IQGAP3: variants seen among roughly 807,000 people sequenced by gnomAD.
IQGAP3 encodes the protein IQ motif containing GTPase activating protein 3, also known as ras GTPase-activating-like protein IQGAP3.
In IQGAP3, 165 loss-of-function variants were observed where a neutral mutation model predicts 208.2. The observed-to-expected ratio is 0.79, with a 90% CI of 0.70 to 0.90. The LOEUF is 0.90. Among genes scored for constraint, IQGAP3 ranks in the 40% least tolerant of loss-of-function variants. IQGAP3 has a pLI of 0.00. For synonymous variants in IQGAP3, 703 were observed against 803.6 expected (o/e 0.87, Z 2.12); for missense variants, 1,811 against 2,043.1 (o/e 0.89, Z 2.19).
At chr1:156,566,250 GA>G in intron 3 of IQGAP3, 139 bp downstream of exon 3, 1 of 1,216,410 alleles carries the variant, frequency 8.2e-7, no homozygotes, top group Non-Finnish European at 1.2e-6. Flanking sequence ...TCCCTACCAG[GA>G]CAGAGAAACA....
At chr1:156,557,277 T>C (rs1275872331) in intron 11 of IQGAP3, among the ~76,000 whole-genome samples, 1 of 6,352 alleles carries the variant, frequency 1.6e-4, no homozygotes, top group African/African-American at 1.7e-4. Flanking sequence ...AGCCGCCCCG[T>C]CCGGGAGGGA....
In IQGAP3 at chr1:156,571,432, A is replaced by C. The variant is rs113141250; in HGVS notation, c.37+1061T>G. 9.1e-3 allele frequency among the ~76,000 whole-genome samples: 1,389 copies of C among 152,310 alleles called. 10 individuals are homozygous for C. Among genetic ancestry groups the C allele is most frequent in the Non-Finnish European group, 0.014 (951 of 68,024 alleles). On this transcript the variant is annotated intron_variant, in intron 1 of 37. Transcript: ENST00000361170. ...TTCAGGGAAGGGCAGAGCTTATATGAATGAGCAGTTAAGTAAATTAAAACA... is the reference window on the plus strand; with the variant it reads ...TTCAGGGAAGGGCAGAGCTTATATGCATGAGCAGTTAAGTAAATTAAAACA...
At chr1:156,550,113 C>G in intron 16 of IQGAP3, 148 bp downstream of exon 16, 3 of 618,768 alleles carry the variant, frequency 4.8e-6, no homozygotes, top group South Asian at 3.8e-5. Flanking sequence ...GTCTGAACAG[C>G]AGCCCTCCTG....
intron 15 of IQGAP3, 128 bp downstream of exon 15, chr1:156,551,577 A>AC: frequency 1.0e-6 from 1 of 966,924 alleles, no homozygotes; most frequent in Non-Finnish European, 1.5e-6. Context: ...AGATTGGAAC[A>AC]CCCCCCTCAC....
intron 32 of IQGAP3, 118 bp downstream of exon 32, chr1:156,532,862 C>A (rs931874979): frequency 1.8e-6 from 2 of 1,093,918 alleles, no homozygotes; most frequent in Non-Finnish European, 2.6e-6. Flanking sequence ...GGGAGAACTT[C>A]CTGAAGGATA....
rs761414374 is a variant in IQGAP3 at position 156,525,912 on chromosome 1, G to A, written c.*574C>T. The stretch of plus-strand genomic sequence containing the variant: ...GGTCATCTTGCCCATGCCGCCATGG[G>A]GGGCAACAGTGCCACAATGCCACAT... On this transcript the variant is annotated 3_prime_UTR_variant, in exon 38 of 38. Coordinates refer to ENST00000361170, the MANE Select transcript of IQGAP3 (RefSeq NM_178229.5). The A allele has an allele frequency of 5.2e-5, 8 of 154,436 alleles. No individual in the cohort carries two copies. The highest frequency in any genetic ancestry group is 1.0e-4 in the Non-Finnish European group (7 of 69,276). 9.6% of individuals were successfully genotyped at this position (154,436 alleles called of 1,614,324 possible).
Position 156,569,528 on chromosome 1 carries a change from C to CTTTTTT in IQGAP3, c.38-71_38-66dup, listed in dbSNP as rs34005985. Reference sequence around the variant, plus strand: ...TAGAGGTGCCTTAGCACTGAAGGGTCTTTTTTTTTTTTTTTTTTTTTTTTG... The same window carrying CTTTTTT: ...TAGAGGTGCCTTAGCACTGAAGGGTCTTTTTTTTTTTTTTTTTTTTTTTTTTTTTTG... On this transcript the variant is annotated intron_variant, in intron 1 of 37. Coordinates refer to ENST00000361170, the MANE Select transcript of IQGAP3 (RefSeq NM_178229.5). 1.9e-4 allele frequency: 26 copies of CTTTTTT among 138,272 alleles called. 1 individual carries two copies. The highest frequency in any genetic ancestry group is 4.5e-4 in the Admixed American group (4 of 8,886). The allele number at this position is 138,272 out of a possible 1,614,324, so 8.6% of individuals were successfully genotyped here. A position where few individuals can be genotyped will look rare whatever the true frequency, so the allele number is the denominator to read the frequency against.
chr1:156,533,775 A>G lies in IQGAP3; in HGVS notation c.3974T>C (p.Ile1325Thr), dbSNP rs1337463188. 1.2e-6 allele frequency: 2 copies of G among 1,613,014 alleles called. No homozygotes were observed. The highest frequency in any genetic ancestry group is 1.1e-5 in the South Asian group (1 of 90,968). The change falls in exon 31 of 38, where the codon ATT becomes ACT. Residue 1325 changes from isoleucine (I) to threonine (T), a missense_variant and splice_region_variant. Ile to Thr is a moderately conservative substitution (Grantham distance 89). Transcript: ENST00000361170. ...CAGCTGCTAAGGAGGGCACGTACCA[A>G]TAAGGTCAGGGATGGTGGGCAGCTC... is the stretch of plus-strand genomic sequence containing the variant. ...LGELPTIPDL[I>T]GESIAADGHT...
intron 16 of IQGAP3, among the ~76,000 whole-genome samples, chr1:156,549,527 C>G (rs114223930): frequency 0.019 from 2,940 of 151,752 alleles, 52 homozygotes; most frequent in African/African-American, 0.049. Context: ...GCATGCCTGT[C>G]CTCCCAGCTA....
rs776760949 is a variant in IQGAP3 at position 156,530,290 on chromosome 1, G to C, written c.4219C>G (p.Arg1407Gly). ...GTCTGGGCTGTACAGGCCTGGCGTC[G>C]GCTCATCAGCTGCTTGTGGGCTGCT... is the stretch of plus-strand genomic sequence containing the variant. ...QEAAHKQLMS[R>G]RQACTAQTPE... The change falls in exon 34 of 38, where the codon CGA becomes GGA. Residue 1407 changes from arginine (R) to glycine (G), a missense_variant. By Grantham distance (125) the Arg-to-Gly change is moderately radical (BLOSUM62 -2). Transcript: ENST00000361170. The C allele has an allele frequency of 6.2e-7, 1 of 1,610,160 alleles. No individual in the cohort carries two copies. The highest frequency in any genetic ancestry group is 8.5e-7 in the Non-Finnish European group (1 of 1,179,924).
chr1:156,529,990 A>G (rs1215893853), intron 34 of IQGAP3, 115 bp downstream of exon 34: 2 of 755,822 alleles, frequency 2.6e-6, no homozygotes, highest in East Asian at 2.8e-5. Context: ...GCTGGTGACA[A>G]TTTTGGGTGA....
intron 3 of IQGAP3, 55 bp downstream of exon 3, chr1:156,566,332 TGAG>T (rs1256411658): frequency 4.0e-5 from 62 of 1,557,142 alleles, no homozygotes; most frequent in South Asian, 1.3e-4. Context: ...CTCACAGCTT[TGAG>T]GAGAAAGCAT....
In IQGAP3 at chr1:156,563,327, G is replaced by A. The variant is rs756602831; in HGVS notation, c.620-15C>T. On this transcript the variant is annotated splice_polypyrimidine_tract_variant and intron_variant, in intron 7 of 37. Coordinates refer to ENST00000361170, the MANE Select transcript of IQGAP3 (RefSeq NM_178229.5). The stretch of plus-strand genomic sequence containing the variant: ...AGCTGCATGGACTGGGAGAGGGCAT[G>A]GAAACAAGGTCAGGAGGCCAGAGTG... The A allele has an allele frequency of 1.3e-6, 2 of 1,576,112 alleles. No individual in the cohort carries two copies.
intron 12 of IQGAP3, among the ~76,000 whole-genome samples, chr1:156,555,228 C>T (rs1397318647): frequency 2.6e-5 from 4 of 152,050 alleles, no homozygotes; most frequent in African/African-American, 9.7e-5. Context: ...GTCTAGAGCA[C>T]CCTTCCTATT....
At chr1:156,570,959 G>A (rs74118708) in intron 1 of IQGAP3, among the ~76,000 whole-genome samples, 1,804 of 152,308 alleles carry the variant, frequency 0.012, 31 homozygotes, top group African/African-American at 0.041. Flanking sequence ...GCGGAACACA[G>A]GGAAAGGCAG....
chr1:156,529,181 C>T (rs1330335972), intron 34 of IQGAP3, 99 bp from the exon 35 acceptor site: 35 of 1,258,286 alleles, frequency 2.8e-5, no homozygotes, highest in South Asian at 4.2e-5. Context: ...TGAGGCTCTT[C>T]GGAAGAACAG....
At chr1:156,539,744 C>T in intron 24 of IQGAP3, 94 bp downstream of exon 24, 1 of 1,441,936 alleles carries the variant, frequency 6.9e-7, no homozygotes, top group Non-Finnish European at 9.7e-7. Flanking sequence ...GAAAGGACAC[C>T]TTGCATGGTG....
At position 156,553,297 on chromosome 1, in the gene IQGAP3, G is replaced by C. The variant is rs539541389; in HGVS notation, c.1448+938C>G. ...CTACGTGGTCTGGCCTCGGCTACTT[G>C]GTCTTCATCTCCCACTCCTCTTTCT... On this transcript the variant is annotated intron_variant, in intron 13 of 37. Transcript: ENST00000361170. 3.3e-5 allele frequency among the ~76,000 whole-genome samples: 5 copies of C among 152,254 alleles called. No individual in the cohort carries two copies. The South Asian group carries it at 1.0e-3, about 32-fold the overall frequency.
Position 156,563,553 on chromosome 1 carries a change from C to A in IQGAP3, c.619G>T (p.Val207Phe). 1.2e-6 allele frequency: 2 copies of A among 1,612,062 alleles called. No individual in the cohort carries two copies. Among genetic ancestry groups the A allele is most frequent in the Non-Finnish European group, 1.7e-6 (2 of 1,178,836 alleles). The stretch of plus-strand genomic sequence containing the variant: ...TGGCAGGGCAGAGCCTAGTCCTTAC[C>A]TGCAGCCTCATCCACCGAGAGCTCA... ...ANELSVDEAA[V>F]HAAVLAINEA... The change falls in exon 7 of 38, where the codon GTC becomes TTC. Residue 207 changes from valine (V) to phenylalanine (F), a missense_variant and splice_region_variant. Coordinates refer to ENST00000361170, the MANE Select transcript of IQGAP3 (RefSeq NM_178229.5).
Sources: gnomAD v4.1 joint callset for allele counts (sites outside exome capture counted in the v4.1 genomes callset) on GRCh38, gnomAD v4.1.1 for gene constraint, MANE v1.5 for transcripts, NCBI Gene and HGNC (gene_info 2026-07-23, HGNC 2026-07-21) for gene names.